TMEM168: variants seen among roughly 807,000 people sequenced by gnomAD.
The protein encoded by TMEM168 is transmembrane protein 168.
A neutral mutation model predicts 53.2 loss-of-function variants in TMEM168; 40 were observed. The ratio of observed to expected loss-of-function variants is 0.75; its 90% CI spans 0.58 to 0.98. TMEM168 has a LOEUF of 0.98. TMEM168 is among the 50% of genes least tolerant of loss of function. The pLI, the probability that TMEM168 is intolerant of heterozygous loss-of-function variation, is 0.00. For synonymous variants in TMEM168, 282 were observed against 293.0 expected, an observed-to-expected ratio of 0.96 and a Z score of 0.38; for missense variants, 771 against 828.8, an observed-to-expected ratio of 0.93 and a Z score of 0.86.
chr7:112,782,240 A>T (rs1038985946), intron 2 of TMEM168, among the ~76,000 whole-genome samples: 6 of 152,180 alleles, frequency 3.9e-5, no homozygotes, highest in African/African-American at 1.2e-4. Flanking sequence ...GAGAATCAGG[A>T]AACTGATTCT....
chr7:112,768,900 AAGAAAATTTATTG>A (rs1441310172), intron 4 of TMEM168, among the ~76,000 whole-genome samples: 2 of 152,240 alleles, frequency 1.3e-5, no homozygotes, highest in African/African-American at 4.8e-5. Flanking sequence ...AATATTTATA[AAGAAAATTTATTG>A]ATGAGAAAAT....
rs1002335941 is a variant in TMEM168, at chr7:112,780,964, A to C, written c.1128+2734T>G. ...GTATCAAAAAAAAAAAAAAAAAAAA[A>C]ACGGGGGCACAGATAGTTAATATTT... On this transcript the variant is annotated intron_variant, in intron 2 of 4. Transcript: ENST00000312814. Among the ~76,000 whole-genome samples, 497 of 150,960 alleles carry C rather than the reference A, an allele frequency of 3.3e-3. 1 individual carries two copies. Among genetic ancestry groups the C allele is most frequent in the African/African-American group, 0.011 (447 of 40,874 alleles).
chr7:112,766,430 G>A lies in TMEM168; in HGVS notation c.*767C>T, dbSNP rs11538991. The A allele has an allele frequency of 0.13, 19,941 of 152,544 alleles. 1,581 individuals are homozygous for A. Among genetic ancestry groups the A allele is most frequent in the Middle Eastern group, 0.35 (104 of 294 alleles). The allele number at this position is 152,544 out of a possible 1,614,324, so 9.4% of individuals were successfully genotyped here. A position where few individuals can be genotyped will look rare whatever the true frequency, so the allele number is the denominator to read the frequency against. The stretch of plus-strand genomic sequence containing the variant: ...TTTCAAAAAGGAAGACAATTTATTG[G>A]AAGAATTTGTAGCTGGAAACACTGT... On this transcript the variant is annotated 3_prime_UTR_variant, in exon 5 of 5. Coordinates refer to ENST00000312814, the MANE Select transcript of TMEM168 (RefSeq NM_022484.6).
In TMEM168 at chr7:112,764,912, C is replaced by G. The variant is rs979961504; in HGVS notation, c.*2285G>C. The G allele has an allele frequency of 6.6e-6, 1 of 152,002 alleles. No homozygotes were observed. Among genetic ancestry groups the G allele is most frequent in the East Asian group, 1.9e-4 (1 of 5,174 alleles). 9.4% of individuals were successfully genotyped at this position (152,002 alleles called of 1,614,324 possible). On this transcript the variant is annotated 3_prime_UTR_variant, in exon 5 of 5. Transcript: ENST00000312814. ...GCAACCTCTGCCTCCCGGGTTCAAG[C>G]GATTCTTGTGCCTTAGCCTCCCAAG...
At chr7:112,767,819 C>A in intron 4 of TMEM168, 75 bp from the exon 5 acceptor site, 1 of 1,353,230 alleles carries the variant, frequency 7.4e-7, no homozygotes, top group East Asian at 2.3e-5. Flanking sequence ...TAATCATTTT[C>A]TTCTAGAGAG....
chr7:112,783,975 T>G lies in TMEM168; in HGVS notation c.851A>C (p.Lys284Thr). 6.2e-7 allele frequency: 1 copy of G among 1,612,918 alleles called. No individual in the cohort carries two copies. The highest frequency in any genetic ancestry group is 8.5e-7 in the Non-Finnish European group (1 of 1,179,822). ...ELTFFILSAFKLRDTHLWYFV... is the reference protein window; with the variant it reads ...ELTFFILSAFTLRDTHLWYFV... The stretch of plus-strand genomic sequence containing the variant: ...ATACCAGAGGTGAGTGTCTCTAAGT[T>G]TGAATGCGGAAAGAATAAAAAATGT... Residue 284 changes from lysine to threonine, a missense_variant, in exon 2 of 5, where the codon AAA becomes ACA. Lys to Thr is a moderately conservative substitution (Grantham distance 78, BLOSUM62 -1). Transcript: ENST00000312814.
At chr7:112,778,380 G>T (rs1040773653) in intron 2 of TMEM168, 2 of 152,172 alleles carry the variant, frequency 1.3e-5, no homozygotes, top group Admixed American at 1.3e-4. Flanking sequence ...AGTATGGTGT[G>T]TTTTTCCATT....
intron 2 of TMEM168, chr7:112,778,529 T>C (rs1793151121): frequency 6.6e-6 from 1 of 152,228 alleles, no homozygotes; most frequent in South Asian, 2.1e-4. Context: ...TTCCAGGCTA[T>C]TACATTTTAT....
intron 2 of TMEM168, 54 bp from the exon 3 acceptor site, chr7:112,775,372 T>G: frequency 1.4e-6 from 2 of 1,424,708 alleles, no homozygotes; most frequent in South Asian, 1.4e-5. Context: ...GTGTATATAT[T>G]TACATGCATG....
intron 4 of TMEM168, 108 bp downstream of exon 4, chr7:112,772,673 G>T: frequency 7.6e-7 from 1 of 1,317,418 alleles, no homozygotes; most frequent in Non-Finnish European, 1.0e-6. Context: ...CATATGCATA[G>T]TTCAGTAAAC....
Position 112,767,485 on chromosome 7 carries a change from G to A in TMEM168, c.1806C>T (p.Asn602=). The change falls in exon 5 of 5, where the codon AAC becomes AAT. Residue 602 remains asparagine, a synonymous_variant. Transcript: ENST00000312814. The part of the protein sequence containing the change: ...WVEYNCNSSN[N]ICWTEKGRTV... Reference sequence around the variant, plus strand: ...TGCGTCCCTTTTCAGTCCAGCAGATGTTATTACTGGAGTTGCAGTTATATT... The same window carrying A: ...TGCGTCCCTTTTCAGTCCAGCAGATATTATTACTGGAGTTGCAGTTATATT... The A allele has an allele frequency of 6.2e-7, 1 of 1,614,164 alleles. No homozygotes were observed. The highest frequency in any genetic ancestry group is 1.7e-5 in the Admixed American group (1 of 60,026).
At chr7:112,769,540 T>A (rs1295539214) in intron 4 of TMEM168, among the ~76,000 whole-genome samples, 3 of 126,338 alleles carry the variant, frequency 2.4e-5, no homozygotes, top group African/African-American at 4.3e-5. Context: ...CTTATATAAA[T>A]GCTCTTTAGA....
At position 112,784,090 on chromosome 7, in the gene TMEM168, G is replaced by T; in HGVS notation, c.736C>A (p.Leu246Ile). 1.2e-6 allele frequency: 2 copies of T among 1,612,976 alleles called. No individual in the cohort carries two copies. The highest frequency in any genetic ancestry group is 1.7e-6 in the Non-Finnish European group (2 of 1,179,798). The change falls in exon 2 of 5, where the codon CTT becomes ATT. Residue 246 changes from leucine to isoleucine, a missense_variant. Coordinates refer to ENST00000312814, the MANE Select transcript of TMEM168 (RefSeq NM_022484.6). ...DPFLDIYFSG[L>I]SVTERWKPFL... ...GGTTTCCATCTTTCAGTTACTGAAAGTCCACTAAAATAAATGTCAAGGAAA... is the reference window on the plus strand; with the variant it reads ...GGTTTCCATCTTTCAGTTACTGAAATTCCACTAAAATAAATGTCAAGGAAA...
intron 3 of TMEM168, among the ~76,000 whole-genome samples, chr7:112,774,356 T>C (rs1201201165): frequency 1.3e-5 from 2 of 149,656 alleles, no homozygotes; most frequent in Non-Finnish European, 3.0e-5. Flanking sequence ...AGAGTGTTTT[T>C]ACATTTTTTT....
chr7:112,775,790 A>C (rs1325671609), intron 2 of TMEM168, among the ~76,000 whole-genome samples: 3 of 152,152 alleles, frequency 2.0e-5, no homozygotes, highest in African/African-American at 7.2e-5. Context: ...GTAAATTCTT[A>C]AGGAAATTTA....
Position 112,784,709 on chromosome 7 carries a change from T to C in TMEM168, c.117A>G (p.Leu39=), listed in dbSNP as rs757636868. The C allele has an allele frequency of 6.2e-7, 1 of 1,614,048 alleles. No individual in the cohort carries two copies. The highest frequency in any genetic ancestry group is 2.2e-5 in the East Asian group (1 of 44,860). The change falls in exon 2 of 5, where the codon TTA becomes TTG. Residue 39 remains leucine, a synonymous_variant. Transcript: ENST00000312814. ...MHSSVRYLGY[L]ARINLLVAIC... ...TAGCAACCAATAAATTGATTCTGGC[T>C]AAATAGCCAAGATACCGCACTGAAG...
At chr7:112,786,501 T>TTTA (rs1793383350) in intron 1 of TMEM168, among the ~76,000 whole-genome samples, 1 of 152,206 alleles carries the variant, frequency 6.6e-6, no homozygotes, top group Non-Finnish European at 1.5e-5. Context: ...TGTCTTAAGG[T>TTTA]ACCACATAAT....
intron 4 of TMEM168, among the ~76,000 whole-genome samples, chr7:112,769,777 CATTTATTTCT>C (rs1792882922): frequency 6.6e-6 from 1 of 151,852 alleles, no homozygotes; most frequent in African/African-American, 2.4e-5. Context: ...ACATTTTTTC[CATTTATTTCT>C]GTCTCTCCTG....
At chr7:112,786,979 G>T (rs1349260083) in intron 1 of TMEM168, among the ~76,000 whole-genome samples, 1 of 152,160 alleles carries the variant, frequency 6.6e-6, no homozygotes, top group South Asian at 2.1e-4. Context: ...AGGAAAGAAG[G>T]CAGTTGCTTC....
Sources: gnomAD v4.1 joint callset for allele counts (sites outside exome capture counted in the v4.1 genomes callset) on GRCh38, gnomAD v4.1.1 for gene constraint, MANE v1.5 for transcripts, NCBI Gene and HGNC (gene_info 2026-07-23, HGNC 2026-07-21) for gene names.